INPP5D: variants seen among roughly 807,000 people sequenced by gnomAD.
The protein encoded by INPP5D is inositol polyphosphate-5-phosphatase D.
A neutral mutation model predicts 122.9 loss-of-function variants in INPP5D; 33 were observed. The ratio of observed to expected loss-of-function variants is 0.27; its 90% CI spans 0.20 to 0.36. INPP5D has a LOEUF of 0.36. Ranked by LOEUF, INPP5D falls within the 10% of genes least tolerant of loss-of-function variation. The pLI, the probability that INPP5D is intolerant of heterozygous loss-of-function variation, is 1.00. For synonymous variants in INPP5D, 584 were observed against 576.2 expected (o/e 1.01, Z -0.19); for missense variants, 1,053 against 1,412.7 (o/e 0.75, Z 4.08).
At chr2:233,179,519 G>A (rs938838846) in intron 18 of INPP5D, among the ~76,000 whole-genome samples, 6 of 152,334 alleles carry the variant, frequency 3.9e-5, no homozygotes, top group South Asian at 2.1e-4. Context: ...AGATCAGTCC[G>A]GAAGTGGCAA....
intron 2 of INPP5D, among the ~76,000 whole-genome samples, chr2:233,090,641 C>A (rs7570845): frequency 3.9e-5 from 6 of 152,104 alleles, no homozygotes. Flanking sequence ...AGAGAGAAAA[C>A]GGACATTCCA....
intron 13 of INPP5D, among the ~76,000 whole-genome samples, chr2:233,167,668 CA>C (rs1215362181): frequency 1.3e-5 from 2 of 152,146 alleles, no homozygotes; most frequent in Admixed American, 6.5e-5. Flanking sequence ...AGGTGATATC[CA>C]GGGGTCCCTT....
intron 2 of INPP5D, among the ~76,000 whole-genome samples, chr2:233,088,964 C>T (rs1691922186): frequency 6.6e-6 from 1 of 152,222 alleles, no homozygotes; most frequent in Non-Finnish European, 1.5e-5. Context: ...GGACCCTAGA[C>T]CCTGTCTGCC....
At chr2:233,171,895 C>T (rs1694501013) in intron 17 of INPP5D, among the ~76,000 whole-genome samples, 2 of 152,194 alleles carry the variant, frequency 1.3e-5, no homozygotes, top group South Asian at 4.1e-4. Context: ...CGGTGAGGTA[C>T]CCAGGCCCAC....
chr2:233,116,477 C>T (rs1692799185), intron 2 of INPP5D, among the ~76,000 whole-genome samples: 2 of 151,984 alleles, frequency 1.3e-5, no homozygotes, highest in Non-Finnish European at 2.9e-5. Flanking sequence ...TTTGTAGAGA[C>T]AGGTTTCATC....
At chr2:233,159,418 G>A (rs1481205703) in intron 10 of INPP5D, among the ~76,000 whole-genome samples, 1 of 152,080 alleles carries the variant, frequency 6.6e-6, no homozygotes, top group African/African-American at 2.4e-5. Flanking sequence ...ATTAGGCCAG[G>A]CACAGTGGGT....
In INPP5D at chr2:233,146,206, C is replaced by A; in HGVS notation, c.798C>A (p.Ser266Arg). 1 of 704,276 alleles carries A rather than the reference C, an allele frequency of 1.4e-6. No individual in the cohort carries two copies. The highest frequency in any genetic ancestry group is 2.0e-5 in the Admixed American group (1 of 50,020). The allele number at this position is 704,276 out of a possible 1,614,324, so 43.6% of individuals were successfully genotyped here. A position where few individuals can be genotyped will look rare whatever the true frequency, so the allele number is the denominator to read the frequency against. The change falls in exon 7 of 27, where the codon AGC becomes AGA. Residue 266 changes from serine (S) to arginine (R), a missense_variant. By Grantham distance (110) the Ser-to-Arg change is moderately radical. Coordinates refer to ENST00000445964, the MANE Select transcript of INPP5D (RefSeq NM_001017915.3). ...ANPINMVSKL[S>R]QLTSLLSSIE... is the part of the protein sequence containing the mutation. ...CCATCAACATGGTGTCCAAGCTCAG[C>A]CAACTGACAAGCCTGTTGTCGTCCA...
chr2:233,170,271 AGGCGGCT>A lies in INPP5D; in HGVS notation c.1791+109_1791+115del. On this transcript the variant is annotated intron_variant, in intron 15 of 26. Coordinates refer to ENST00000445964, the MANE Select transcript of INPP5D (RefSeq NM_001017915.3). The surrounding 1 kb of genome is among the most constrained non-coding windows in gnomAD (Gnocchi z 4.5). ...GGAGACATGTGAATCAAGTGGGCTG[AGGCGGCT>A]GCTCCCCTTGGGGGCTCAACGCTGT... is the stretch of plus-strand genomic sequence containing the variant. The A allele has an allele frequency of 6.6e-6, 10 of 1,524,436 alleles. No homozygotes were observed. Among genetic ancestry groups the A allele is most frequent in the Non-Finnish European group, 8.8e-6 (10 of 1,132,896 alleles). 94.4% of individuals were successfully genotyped at this position (1,524,436 alleles called of 1,614,324 possible).
In INPP5D at chr2:233,164,319, A is replaced by T; in HGVS notation, c.1450A>T (p.Thr484Ser). ...SVTFKTVAIHTLWNIRIVVLA... is the reference protein window; with the variant it reads ...SVTFKTVAIHSLWNIRIVVLA... ...GTCCTCCCACCAGGTCGCCATCCAC[A>T]CGCTCTGGAACATCCGCATCGTGGT... Residue 484 changes from threonine to serine, a missense_variant, in exon 13 of 27, where the codon ACG (threonine) becomes TCG (serine). Coordinates refer to ENST00000445964, the MANE Select transcript of INPP5D (RefSeq NM_001017915.3). This position sits in a 1 kb window ranked among gnomAD's most constrained non-coding sequence, Gnocchi z 4.3. The T allele has an allele frequency of 6.4e-7, 1 of 1,550,562 alleles. No homozygotes were observed. The highest frequency in any genetic ancestry group is 8.7e-7 in the Non-Finnish European group (1 of 1,146,344).
chr2:233,115,497 C>T (rs1692763148), intron 2 of INPP5D, among the ~76,000 whole-genome samples: 1 of 152,186 alleles, frequency 6.6e-6, no homozygotes, highest in Non-Finnish European at 1.5e-5. Flanking sequence ...GCATGTGCAG[C>T]CCTGAGCCTC....
At chr2:233,195,527 G>C (rs1044816611) in intron 24 of INPP5D, 32 bp downstream of exon 24, 2 of 1,612,488 alleles carry the variant, frequency 1.2e-6, no homozygotes, top group Non-Finnish European at 1.7e-6. Context: ...TGTTGGGGGG[G>C]GTGGATATCA....
chr2:233,106,616 T>G (rs1032488938), intron 2 of INPP5D, among the ~76,000 whole-genome samples: 2 of 152,186 alleles, frequency 1.3e-5, no homozygotes, highest in Non-Finnish European at 2.9e-5. Context: ...CCCCTCCTCC[T>G]CCTCTGGGCT....
rs114740151 is a variant in INPP5D at position 233,067,409 on chromosome 2, T to C, written c.134+6797T>C. ...CAGGGCTGACTAATGAGCCACTGTA[T>C]TGAAAGAACCACATTTTGTTTATCC... On this transcript the variant is annotated intron_variant, in intron 1 of 26. Transcript: ENST00000445964. Among the ~76,000 whole-genome samples the C allele has an allele frequency of 3.1e-3, 470 of 152,344 alleles. 4 individuals carry two copies. The highest frequency in any genetic ancestry group is 0.011 in the African/African-American group (448 of 41,588).
At position 233,069,149 on chromosome 2, in the gene INPP5D, A is replaced by C. The variant is rs368674574; in HGVS notation, c.134+8537A>C. ...CTTCAGGCTCCTGTTGTCCCCTTTC[A>C]TTAGGAAAACACGATATTAACAAGT... On this transcript the variant is annotated intron_variant, in intron 1 of 26. Coordinates refer to ENST00000445964, the MANE Select transcript of INPP5D (RefSeq NM_001017915.3). Among the ~76,000 whole-genome samples, 11 of 152,200 alleles carry C rather than the reference A, an allele frequency of 7.2e-5. No individual in the cohort carries two copies. The East Asian group carries it at 1.3e-3, about 19-fold the overall frequency.
chr2:233,098,783 C>T (rs1040728732), intron 2 of INPP5D, among the ~76,000 whole-genome samples: 1 of 152,094 alleles, frequency 6.6e-6, no homozygotes, highest in African/African-American at 2.4e-5. Context: ...GACTGACCCT[C>T]CCACCGGGCG....
intron 22 of INPP5D, among the ~76,000 whole-genome samples, chr2:233,191,739 G>A (rs370224205): frequency 3.9e-5 from 6 of 152,230 alleles, no homozygotes; most frequent in East Asian, 3.8e-4. Context: ...GCACTTAGGA[G>A]TGAACAAAGC....
chr2:233,198,365 A>G lies in INPP5D; in HGVS notation c.2964A>G (p.Thr988=). Residue 988 remains threonine (T), a synonymous_variant, in exon 25 of 27, where the codon ACA becomes ACG. Coordinates refer to ENST00000445964, the MANE Select transcript of INPP5D (RefSeq NM_001017915.3). ...STANRGLPPR[T]QESRPSDLGK... is the part of the protein sequence containing the mutation. ...CAAACCGGGGTCTCCCTCCCAGGAC[A>G]CAGGAGTCAAGGTGAGCATCCTCTT... The G allele has an allele frequency of 6.2e-7, 1 of 1,611,070 alleles. No individual in the cohort carries two copies. Among genetic ancestry groups the G allele is most frequent in the East Asian group, 2.2e-5 (1 of 44,818 alleles).
At chr2:233,167,546 ACCCT>A (rs1406770767) in intron 13 of INPP5D, among the ~76,000 whole-genome samples, 2 of 152,124 alleles carry the variant, frequency 1.3e-5, no homozygotes, top group African/African-American at 4.8e-5. Flanking sequence ...GTTCCAGGTC[ACCCT>A]CCCAGGTTGC....
intron 14 of INPP5D, 138 bp from the exon 15 acceptor site, chr2:233,169,888 C>T: frequency 6.7e-7 from 1 of 1,495,026 alleles, no homozygotes; most frequent in Non-Finnish European, 9.1e-7. Context: ...TCTGCTGCAG[C>T]AGGGCTGGAG....
Sources: allele counts gnomAD v4.1 joint callset (sites outside exome capture counted in the v4.1 genomes callset), GRCh38; gene constraint gnomAD v4.1.1; non-coding constraint Gnocchi (gnomAD v3.1); transcripts MANE v1.5; gene names NCBI Gene and HGNC (gene_info 2026-07-23, HGNC 2026-07-21).